SPPL3: variants seen among roughly 807,000 people sequenced by gnomAD.
SPPL3 encodes the protein signal peptide peptidase like 3.
A neutral mutation model predicts 42.4 loss-of-function variants in SPPL3; 5 were observed. The observed-to-expected ratio is 0.12, with a 90% CI of 0.06 to 0.25. SPPL3 has a LOEUF of 0.25. Among genes scored for constraint, SPPL3 ranks in the 10% least tolerant of loss-of-function variants. The pLI is 1.00. For missense variants in SPPL3, 235 were observed against 489.0 expected (o/e 0.48, Z 4.90); for synonymous variants, 195 against 181.8 (o/e 1.07, Z -0.58).
At chr12:120,881,299 T>C (rs1593009510) in intron 1 of SPPL3, among the ~76,000 whole-genome samples, 1 of 151,028 alleles carries the variant, frequency 6.6e-6, no homozygotes, top group South Asian at 2.1e-4. Flanking sequence ...TGAAACCCTG[T>C]TGCTACTAAA....
At chr12:120,876,998 TTAC>T (rs1873122359) in intron 1 of SPPL3, among the ~76,000 whole-genome samples, 1 of 151,800 alleles carries the variant, frequency 6.6e-6, no homozygotes, top group African/African-American at 2.4e-5. Context: ...GAAGTACAAA[TTAC>T]TAACACTAGG....
chr12:120,774,182 C>T (rs1245104068), intron 6 of SPPL3, among the ~76,000 whole-genome samples: 1 of 152,200 alleles, frequency 6.6e-6, no homozygotes, highest in East Asian at 1.9e-4. Flanking sequence ...ATGAAATCTG[C>T]AGCCATTCTG....
intron 1 of SPPL3, among the ~76,000 whole-genome samples, chr12:120,858,209 G>A (rs965589346): frequency 3.3e-5 from 5 of 152,094 alleles, no homozygotes; most frequent in African/African-American, 1.2e-4. Flanking sequence ...TGGGCACTGT[G>A]GCTCACGCCT....
In SPPL3 at chr12:120,783,586, A is replaced by T. The variant is rs889092386; in HGVS notation, c.389+88T>A. The T allele has an allele frequency of 2.4e-6, 3 of 1,258,244 alleles. No individual in the cohort carries two copies. In the African/African-American group the frequency reaches 4.6e-5, roughly 19 times the overall value. 77.9% of individuals were successfully genotyped at this position (1,258,244 alleles called of 1,614,324 possible). On this transcript the variant is annotated intron_variant, in intron 5 of 10. Transcript: ENST00000353487. ...GCATTTCTGTGCTCCAGCCAATAAC[A>T]GAAATTGAGAATCCTAATAATGCTA...
At chr12:120,845,421 C>T (rs1871990566) in intron 1 of SPPL3, 1 of 394,126 alleles carries the variant, frequency 2.5e-6, no homozygotes, top group East Asian at 6.4e-5. Flanking sequence ...GTAGTGGCAC[C>T]ACAGAGGCCG....
At chr12:120,843,976 C>T (rs1871929373) in intron 1 of SPPL3, among the ~76,000 whole-genome samples, 1 of 152,130 alleles carries the variant, frequency 6.6e-6, no homozygotes, top group Non-Finnish European at 1.5e-5. Context: ...TATAACATAA[C>T]ATAACATAAA....
intron 1 of SPPL3, among the ~76,000 whole-genome samples, chr12:120,883,002 T>C (rs1444628183): frequency 1.3e-5 from 2 of 152,064 alleles, no homozygotes; most frequent in Non-Finnish European, 2.9e-5. Context: ...CATACACAGA[T>C]ATATAAAACT....
At chr12:120,811,879 T>A (rs1354279219) in intron 1 of SPPL3, among the ~76,000 whole-genome samples, 2 of 152,086 alleles carry the variant, frequency 1.3e-5, no homozygotes, top group South Asian at 2.1e-4. Flanking sequence ...ATGAATATAA[T>A]CATGAAGAAT....
chr12:120,788,617 G>A (rs938046763), intron 3 of SPPL3, among the ~76,000 whole-genome samples: 8 of 151,886 alleles, frequency 5.3e-5, no homozygotes, highest in South Asian at 2.1e-4. Context: ...CTTCACCCAC[G>A]TACCCCACCA....
intron 2 of SPPL3, among the ~76,000 whole-genome samples, chr12:120,807,915 T>C (rs1870553493): frequency 6.7e-6 from 1 of 150,288 alleles, no homozygotes; most frequent in South Asian, 2.1e-4. Flanking sequence ...ATTAAAGGCA[T>C]CATGATTTAC....
At chr12:120,854,634 T>C (rs538327612) in intron 1 of SPPL3, among the ~76,000 whole-genome samples, 1 of 152,318 alleles carries the variant, frequency 6.6e-6, no homozygotes, top group East Asian at 1.9e-4. Context: ...ACCATTTTAA[T>C]AATACTAAAA....
chr12:120,875,577 C>T (rs551594177), intron 1 of SPPL3, among the ~76,000 whole-genome samples: 6 of 149,334 alleles, frequency 4.0e-5, no homozygotes, highest in East Asian at 3.9e-4. Flanking sequence ...TGCAGTCAGC[C>T]GAGACTGTGC....
intron 1 of SPPL3, among the ~76,000 whole-genome samples, chr12:120,870,935 C>T (rs11065305): frequency 1.3e-5 from 2 of 151,650 alleles, no homozygotes; most frequent in African/African-American, 4.8e-5. Flanking sequence ...CAAGACCAGC[C>T]TAGGCAACAT....
At chr12:120,844,101 A>G (rs2137028339) in intron 1 of SPPL3, among the ~76,000 whole-genome samples, 1 of 152,318 alleles carries the variant, frequency 6.6e-6, no homozygotes, top group South Asian at 2.1e-4. Context: ...GATATCTCCA[A>G]TTGGCTAATA....
chr12:120,847,085 T>C (rs1414062568), intron 1 of SPPL3, among the ~76,000 whole-genome samples: 1 of 152,196 alleles, frequency 6.6e-6, no homozygotes, highest in African/African-American at 2.4e-5. Context: ...AATGAAGTTT[T>C]ATGTTACTGA....
intron 1 of SPPL3, among the ~76,000 whole-genome samples, chr12:120,892,870 T>C (rs1873684378): frequency 6.6e-6 from 1 of 150,656 alleles, no homozygotes; most frequent in Non-Finnish European, 1.5e-5. Flanking sequence ...TAGTCCCAGC[T>C]ACTCGGGAGG....
chr12:120,897,721 T>A (rs950742483), intron 1 of SPPL3, among the ~76,000 whole-genome samples: 4 of 152,146 alleles, frequency 2.6e-5, no homozygotes, highest in African/African-American at 4.8e-5. Context: ...AGACTCCGTC[T>A]CAAAAAATAA....
chr12:120,898,444 C>T (rs1483598124), intron 1 of SPPL3, among the ~76,000 whole-genome samples: 2 of 151,060 alleles, frequency 1.3e-5, no homozygotes, highest in Admixed American at 6.6e-5. Context: ...TTTTGTTTAT[C>T]GTCTGTCATC....
intron 1 of SPPL3, among the ~76,000 whole-genome samples, chr12:120,852,854 C>CATATTTCATATAATATATACATATTATAT (rs777800752): frequency 8.3e-5 from 4 of 48,350 alleles, no homozygotes; most frequent in South Asian, 6.6e-4. Flanking sequence ...ATATGAAATA[C>CATATTTCATATAATATATACATATTATAT]ATATTTCATA....
Sources: allele counts gnomAD v4.1 joint callset (sites outside exome capture counted in the v4.1 genomes callset), GRCh38; gene constraint gnomAD v4.1.1; transcripts MANE v1.5; gene names NCBI Gene and HGNC (gene_info 2026-07-23, HGNC 2026-07-21).